Variants in NLRP13 observed in about 807,000 individuals in gnomAD.
The protein encoded by NLRP13 is NACHT, LRR and PYD domains-containing protein 13.
In NLRP13, 82 loss-of-function variants were observed where a neutral mutation model predicts 94.4. The ratio of observed to expected loss-of-function variants is 0.87; its 90% CI spans 0.73 to 1.04. The LOEUF is 1.04. Ranked by LOEUF, NLRP13 falls within the 50% of genes least tolerant of loss-of-function variation. The pLI is 0.00. For synonymous variants in NLRP13, 553 were observed against 464.7 expected, an observed-to-expected ratio of 1.19 and a Z score of -2.45; for missense variants, 1,426 against 1,230.8, an observed-to-expected ratio of 1.16 and a Z score of -2.37.
chr19:55,920,244 A>C (rs1416699049), intron 4 of NLRP13, among the ~76,000 whole-genome samples: 1 of 152,214 alleles, frequency 6.6e-6, no homozygotes, highest in Non-Finnish European at 1.5e-5. Flanking sequence ...AAATGTAGGG[A>C]AAAGTTTTCT....
At chr19:55,931,470 AG>A (rs1987131753) in intron 1 of NLRP13, among the ~76,000 whole-genome samples, 3 of 151,886 alleles carry the variant, frequency 2.0e-5, no homozygotes, top group Non-Finnish European at 4.4e-5. Context: ...GTGCTTTGGG[AG>A]GTCGAGGCGA....
chr19:55,920,296 A>G (rs539255372), intron 4 of NLRP13, among the ~76,000 whole-genome samples: 1 of 152,316 alleles, frequency 6.6e-6, no homozygotes, highest in Non-Finnish European at 1.5e-5. Context: ...AGACCTCAAA[A>G]ACAAATGCAA....
chr19:55,904,006 A>G (rs1244791429), intron 8 of NLRP13, among the ~76,000 whole-genome samples: 1 of 152,318 alleles, frequency 6.6e-6, no homozygotes. Context: ...ACAGCCCAGC[A>G]TATCCCAGGC....
rs200489379 is a variant in NLRP13, at chr19:55,902,136, G to A, written c.2688C>T (p.Ser896=). Residue 896 remains serine, a synonymous_variant, in exon 9 of 11, where the codon AGC becomes AGT. Coordinates refer to ENST00000342929, the MANE Select transcript of NLRP13 (RefSeq NM_176810.2). ...HLSDALLQNR[S]LTHLNLSKNS... ...TCTTGCTCAGATTCAGGTGTGTCAG[G>A]CTCCTGTTCTGCAGGAGAGCATCTG... is the stretch of plus-strand genomic sequence containing the variant. The A allele has an allele frequency of 1.1e-4, 174 of 1,614,036 alleles. 1 individual carries two copies. In the South Asian group the frequency reaches 1.5e-3, roughly 14 times the overall value.
At chr19:55,924,720 A>G (rs1986926414) in intron 2 of NLRP13, 62 bp from the exon 3 acceptor site, 1 of 1,448,076 alleles carries the variant, frequency 6.9e-7, no homozygotes, top group South Asian at 1.1e-5. Flanking sequence ...GCCAGCAATA[A>G]TGGAAGCCCC....
At chr19:55,905,184 C>A (rs1986300917) in intron 7 of NLRP13, 72 bp from the exon 8 acceptor site, 14 of 1,510,580 alleles carry the variant, frequency 9.3e-6, no homozygotes, top group Middle Eastern at 2.2e-4. Context: ...TCTCTCAACC[C>A]CTTAACCCCC....
At position 55,902,332 on chromosome 19, in the gene NLRP13, T is replaced by C. The variant is rs1986211214; in HGVS notation, c.2619-127A>G. 5 of 716,420 alleles carry C rather than the reference T, an allele frequency of 7.0e-6. No individual in the cohort carries two copies. The South Asian group carries it at 9.5e-5, about 14-fold the overall frequency. The allele number at this position is 716,420 out of a possible 1,614,324, so 44.4% of individuals were successfully genotyped here. A position where few individuals can be genotyped will look rare whatever the true frequency, so the allele number is the denominator to read the frequency against. On this transcript the variant is annotated intron_variant, in intron 8 of 10. Coordinates refer to ENST00000342929, the MANE Select transcript of NLRP13 (RefSeq NM_176810.2). ...AGCTCCCTGGACGACAAGGTCTTTC[T>C]TTTTAGCTGGACACCGACCCAGGCT...
At chr19:55,895,628 A>T (rs969372018), downstream of NLRP13, among the ~76,000 whole-genome samples, 1 of 152,162 alleles carries the variant, frequency 6.6e-6, no homozygotes, top group African/African-American at 2.4e-5. Flanking sequence ...GGTTGCAGTG[A>T]ATCAAGATGA....
chr19:55,924,456 A>C, intron 3 of NLRP13, 134 bp downstream of exon 3: 1 of 665,500 alleles, frequency 1.5e-6, no homozygotes, highest in Non-Finnish European at 2.7e-6. Flanking sequence ...TACTGGAAGA[A>C]CTAGATGGAA....
Position 55,932,157 on chromosome 19 carries a change from A to C in NLRP13, c.155T>G (p.Phe52Cys), listed in dbSNP as rs1987165211. 1 of 1,614,040 alleles carries C rather than the reference A, an allele frequency of 6.2e-7. No homozygotes were observed. The highest frequency in any genetic ancestry group is 8.5e-7 in the Non-Finnish European group (1 of 1,180,020). ...CAAGTTTGCCCAGGGGATACGCGGGAAGTGCCCCTGGGGGGCCGACCAGAA... is the reference window on the plus strand; with the variant it reads ...CAAGTTTGCCCAGGGGATACGCGGGCAGTGCCCCTGGGGGGCCGACCAGAA... ...MDFWSAPQGHFPRIPWANLRA... is the reference protein window; with the variant it reads ...MDFWSAPQGHCPRIPWANLRA... Residue 52 changes from phenylalanine to cysteine, a missense_variant, in exon 1 of 11, where the codon TTC becomes TGC. Phe to Cys is a radical substitution (Grantham distance 205). Transcript: ENST00000342929.
chr19:55,911,567 T>C, intron 5 of NLRP13, 139 bp downstream of exon 5: 1 of 769,808 alleles, frequency 1.3e-6, no homozygotes, highest in Non-Finnish European at 2.1e-6. Flanking sequence ...TCTTTCAAGT[T>C]AGAGCTGCTC....
chr19:55,898,982 C>T lies in NLRP13; in HGVS notation c.2790-45G>A, dbSNP rs771196626. 5 of 1,575,354 alleles carry T rather than the reference C, an allele frequency of 3.2e-6. No homozygotes were observed. In the East Asian group the frequency reaches 6.8e-5, roughly 21 times the overall value. ...AAAAGGGGGGAAAGTAATTGCGTCC[C>T]GAAGCTGTGCTGTGTTTACAACTGC... On this transcript the variant is annotated intron_variant, in intron 9 of 10. Transcript: ENST00000342929.
intron 10 of NLRP13, among the ~76,000 whole-genome samples, 181 bp downstream of exon 10, chr19:55,898,588 AC>A (rs1234794646): frequency 6.6e-6 from 1 of 152,026 alleles, no homozygotes; most frequent in Non-Finnish European, 1.5e-5. Context: ...CAGGTGATCC[AC>A]CCACCTTGGC....
At chr19:55,907,487 G>A (rs1986387475) in intron 7 of NLRP13, among the ~76,000 whole-genome samples, 1 of 152,184 alleles carries the variant, frequency 6.6e-6, no homozygotes, top group African/African-American at 2.4e-5. Context: ...TGGGAGGACT[G>A]CTTGAGCCAA....
chr19:55,924,925 T>C (rs779354838), intron 2 of NLRP13, 42 bp downstream of exon 2: 29 of 1,530,276 alleles, frequency 1.9e-5, no homozygotes, highest in Non-Finnish European at 2.5e-5. Context: ...GAGTGCTCCA[T>C]CAAGCAACCT....
chr19:55,902,082 G>A lies in NLRP13; in HGVS notation c.2742C>T (p.Phe914=). The A allele has an allele frequency of 6.2e-7, 1 of 1,614,154 alleles. No homozygotes were observed. Among genetic ancestry groups the A allele is most frequent in the African/African-American group, 1.3e-5 (1 of 75,048 alleles). The part of the protein sequence containing the change: ...KNSLRDEGVK[F]LCEALGRPDG... ...CTGGGCGACCCAAGGCCTCACACAG[G>A]AACTTGACTCCCTCGTCTCTCAGGC... The change falls in exon 9 of 11, where the codon TTC becomes TTT. Residue 914 remains phenylalanine (F), a synonymous_variant. Coordinates refer to ENST00000342929, the MANE Select transcript of NLRP13 (RefSeq NM_176810.2).
chr19:55,906,248 G>C (rs1444723876), intron 7 of NLRP13, among the ~76,000 whole-genome samples: 5 of 142,300 alleles, frequency 3.5e-5, no homozygotes, highest in African/African-American at 1.3e-4. Context: ...TGAGGCAGGA[G>C]AATTGCTTGA....
At chr19:55,931,743 A>AAAGACAGAAAG (rs1987151277) in intron 1 of NLRP13, among the ~76,000 whole-genome samples, 1 of 142,322 alleles carries the variant, frequency 7.0e-6, no homozygotes, top group African/African-American at 2.8e-5. Context: ...AGAAAGAAAG[A>AAAGACAGAAAG]AAAAGGCTTA....
At chr19:55,920,978 C>T (rs1376157993) in intron 4 of NLRP13, among the ~76,000 whole-genome samples, 2 of 152,038 alleles carry the variant, frequency 1.3e-5, no homozygotes, top group Non-Finnish European at 2.9e-5. Flanking sequence ...ATGGATAGAA[C>T]TGGAGGCCAT....
Sources: allele counts gnomAD v4.1 joint callset (sites outside exome capture counted in the v4.1 genomes callset), GRCh38; gene constraint gnomAD v4.1.1; transcripts MANE v1.5; gene names NCBI Gene and HGNC (gene_info 2026-07-23, HGNC 2026-07-21).